PEX19: variants seen among roughly 807,000 people sequenced by gnomAD.
The protein encoded by PEX19 is peroxisomal biogenesis factor 19, also known as 33 kDa housekeeping protein.
Under a neutral mutation model 36.3 loss-of-function variants are expected in PEX19, and 29 were observed. That is an observed-to-expected ratio of 0.80 (90% confidence interval 0.60 to 1.09). PEX19 has a LOEUF of 1.09. Among genes scored for constraint, PEX19 ranks in the 50% least tolerant of loss-of-function variants. The pLI, the probability that PEX19 is intolerant of heterozygous loss-of-function variation, is 0.00. For missense variants in PEX19, 396 were observed against 368.1 expected (o/e 1.08, Z -0.62); for synonymous variants, 141 against 135.2 (o/e 1.04, Z -0.30).
chr1:160,282,338 A>C, intron 4 of PEX19, 79 bp downstream of exon 4: 1 of 1,422,754 alleles, frequency 7.0e-7, no homozygotes, highest in Non-Finnish European at 9.9e-7. Context: ...ATGATACTCA[A>C]AGCATCTGTC....
rs1221515291 is a variant in PEX19, at chr1:160,277,907, G to A, written c.*1644C>T. 1.5e-6 allele frequency: 1 copy of A among 680,882 alleles called. No individual in the cohort carries two copies. 42.2% of individuals were successfully genotyped at this position (680,882 alleles called of 1,614,324 possible). A position where few individuals can be genotyped will look rare whatever the true frequency, so the allele number is the denominator to read the frequency against. On this transcript the variant is annotated 3_prime_UTR_variant, in exon 8 of 8. Transcript: ENST00000368072. ...CTGGGCTCTTCCATGCTCTGGTAAG[G>A]TATAGGAGTTGGAATTTCCCAAATA...
chr1:160,283,435 C>A, intron 2 of PEX19, 95 bp downstream of exon 2: 1 of 866,000 alleles, frequency 1.2e-6, no homozygotes, highest in East Asian at 2.5e-5. Flanking sequence ...AGGTACCCTC[C>A]CACATTCCCC....
At chr1:160,280,321 T>C (rs540973502) in intron 5 of PEX19, 75 bp from the exon 6 acceptor site, 296 of 1,383,340 alleles carry the variant, frequency 2.1e-4, no homozygotes, top group Non-Finnish European at 2.8e-4. Flanking sequence ...ACAATGTGAT[T>C]AAAATGTGAA....
rs899007009 is a variant in PEX19, at chr1:160,278,933, G to A, written c.*618C>T. ...AGTTCTCAGCCTGGAACAGGGAGGT[G>A]AGGGCTCAGCACCTAGAGAGAGGAG... On this transcript the variant is annotated 3_prime_UTR_variant, in exon 8 of 8. Transcript: ENST00000368072. 8.8e-6 allele frequency: 4 copies of A among 454,124 alleles called. No homozygotes were observed. Among genetic ancestry groups the A allele is most frequent in the Non-Finnish European group, 1.8e-5 (4 of 226,792 alleles). 28.1% of individuals were successfully genotyped at this position (454,124 alleles called of 1,614,324 possible). A position where few individuals can be genotyped will look rare whatever the true frequency, so the allele number is the denominator to read the frequency against.
chr1:160,281,006 A>G (rs1244583788), intron 5 of PEX19, among the ~76,000 whole-genome samples: 1 of 152,122 alleles, frequency 6.6e-6, no homozygotes, highest in East Asian at 1.9e-4. Context: ...TTATCTCTCC[A>G]GTAAAACTAT....
chr1:160,277,452 T>C lies in PEX19; in HGVS notation c.*2099A>G, dbSNP rs753051017. 1 of 456,074 alleles carries C rather than the reference T, an allele frequency of 2.2e-6. No homozygotes were observed. The highest frequency in any genetic ancestry group is 2.3e-5 in the Admixed American group (1 of 42,580). 28.3% of individuals were successfully genotyped at this position (456,074 alleles called of 1,614,324 possible). A position where few individuals can be genotyped will look rare whatever the true frequency, so the allele number is the denominator to read the frequency against. On this transcript the variant is annotated 3_prime_UTR_variant, in exon 8 of 8. Transcript: ENST00000368072. Reference sequence around the variant, plus strand: ...ACTGGAAAACAAAAAACCTGGTCCTTTACCATACATAGTTTGAGAAAGACT... The same window carrying C: ...ACTGGAAAACAAAAAACCTGGTCCTCTACCATACATAGTTTGAGAAAGACT...
intron 1 of PEX19, 150 bp from the exon 2 acceptor site, chr1:160,283,789 C>A: frequency 1.4e-6 from 1 of 694,716 alleles, no homozygotes; most frequent in Non-Finnish European, 2.6e-6. Context: ...CCTCCCCAGA[C>A]CACCCTCAAT....
rs1328538803 is a variant in PEX19 at position 160,276,930 on chromosome 1, T to C, written c.*2621A>G. 1 of 451,372 alleles carries C rather than the reference T, an allele frequency of 2.2e-6. No individual in the cohort carries two copies. The highest frequency in any genetic ancestry group is 4.4e-6 in the Non-Finnish European group (1 of 224,942). The allele number at this position is 451,372 out of a possible 1,614,324, so 28.0% of individuals were successfully genotyped here. A position where few individuals can be genotyped will look rare whatever the true frequency, so the allele number is the denominator to read the frequency against. ...GAGCAACTCCTTTAAAGTTTGAGAG[T>C]CGCATAAATATTTCATATACAGCTT... On this transcript the variant is annotated 3_prime_UTR_variant, in exon 8 of 8. Transcript: ENST00000368072.
Position 160,280,158 on chromosome 1 carries a change from A to G in PEX19, c.683T>C (p.Ile228Thr). 6.2e-7 allele frequency: 1 copy of G among 1,613,972 alleles called. No homozygotes were observed. The highest frequency in any genetic ancestry group is 8.5e-7 in the Non-Finnish European group (1 of 1,179,882). The change falls in exon 6 of 8, where the codon ATA (isoleucine) becomes ACA (threonine). Residue 228 changes from isoleucine (I) to threonine (T), a missense_variant. By Grantham distance (89) the Ile-to-Thr change is moderately conservative. Transcript: ENST00000368072. ...YQEQHSVMCKICEQFEAETPT... is the reference protein window; with the variant it reads ...YQEQHSVMCKTCEQFEAETPT... ...GGTCTCTGCCTCAAACTGCTCACATATTTTGCACATGACGCTGTGCTGCTC... is the reference window on the plus strand; with the variant it reads ...GGTCTCTGCCTCAAACTGCTCACATGTTTTGCACATGACGCTGTGCTGCTC...
chr1:160,279,533 A>G lies in PEX19; in HGVS notation c.*18T>C. The G allele has an allele frequency of 6.2e-7, 1 of 1,605,910 alleles. No individual in the cohort carries two copies. The highest frequency in any genetic ancestry group is 1.1e-5 in the South Asian group (1 of 90,936). On this transcript the variant is annotated 3_prime_UTR_variant, in exon 8 of 8. Coordinates refer to ENST00000368072, the MANE Select transcript of PEX19 (RefSeq NM_002857.4). ...TGTTCCCCATAGCTGGGACTCAGAG[A>G]GGAAAACGTGTTGTGTTTCACATGA...
At position 160,283,062 on chromosome 1, in the gene PEX19, G is replaced by A. The variant is rs1367811065; in HGVS notation, c.228C>T (p.Asp76=). 2 of 1,614,136 alleles carry A rather than the reference G, an allele frequency of 1.2e-6. No homozygotes were observed. Among genetic ancestry groups the A allele is most frequent in the Non-Finnish European group, 1.7e-6 (2 of 1,180,030 alleles). Residue 76 remains aspartate, a synonymous_variant, in exon 3 of 8, where the codon GAC becomes GAT. Transcript: ENST00000368072. The stretch of plus-strand genomic sequence containing the variant: ...CAGTGGCTTGGGAAGCCAGTTCACT[G>A]TCGAATAGTTCCTGGAAAAACTTCT... The part of the protein sequence containing the change: ...SQEKFFQELF[D]SELASQATAE...
chr1:160,281,115 C>A (rs901031606), intron 5 of PEX19: 1 of 152,212 alleles, frequency 6.6e-6, no homozygotes, highest in African/African-American at 2.4e-5. Flanking sequence ...TGAGACCAGC[C>A]TGAGCAATAT....
rs1288025465 is a variant in PEX19 at position 160,278,810 on chromosome 1, G to A, written c.*741C>T. On this transcript the variant is annotated 3_prime_UTR_variant, in exon 8 of 8. Transcript: ENST00000368072. ...GATAAACAGGTGTTTAAAAAAGAGA[G>A]GAGGTAAAAGGGAGGATGGGCAGGG... 2.2e-6 allele frequency: 1 copy of A among 454,102 alleles called. No individual in the cohort carries two copies. Among genetic ancestry groups the A allele is most frequent in the Admixed American group, 2.3e-5 (1 of 42,570 alleles). 28.1% of individuals were successfully genotyped at this position (454,102 alleles called of 1,614,324 possible).
chr1:160,282,229 G>A, intron 4 of PEX19, 29 bp from the exon 5 acceptor site: 1 of 1,612,322 alleles, frequency 6.2e-7, no homozygotes, highest in South Asian at 1.1e-5. Flanking sequence ...AGGTGAGCAG[G>A]TATACTACCT....
In PEX19 at chr1:160,279,016, T is replaced by C; in HGVS notation, c.*535A>G. 2.2e-6 allele frequency: 1 copy of C among 454,248 alleles called. No homozygotes were observed. Among genetic ancestry groups the C allele is most frequent in the Non-Finnish European group, 4.4e-6 (1 of 226,842 alleles). 28.1% of individuals were successfully genotyped at this position (454,248 alleles called of 1,614,324 possible). A position where few individuals can be genotyped will look rare whatever the true frequency, so the allele number is the denominator to read the frequency against. ...ATTAGATGCAAAAGCCCTTTCCCTT[T>C]AGAGAATTCAGAATGGTCTGTCTGA... On this transcript the variant is annotated 3_prime_UTR_variant, in exon 8 of 8. Coordinates refer to ENST00000368072, the MANE Select transcript of PEX19 (RefSeq NM_002857.4).
rs753919460 is a variant in PEX19 at position 160,283,657 on chromosome 1, A to G, written c.71-18T>C. On this transcript the variant is annotated intron_variant, in intron 1 of 7. Coordinates refer to ENST00000368072, the MANE Select transcript of PEX19 (RefSeq NM_002857.4). ...AAGAGCACCTTCAGAGACAAGAGAC[A>G]TGGTGTGTGTGTTGGCGACAGATGA... The G allele has an allele frequency of 3.2e-6, 5 of 1,579,850 alleles. No individual in the cohort carries two copies. The highest frequency in any genetic ancestry group is 1.7e-5 in the Admixed American group (1 of 59,972).
intron 5 of PEX19, among the ~76,000 whole-genome samples, chr1:160,280,811 G>A (rs1274633074): frequency 2.6e-5 from 4 of 152,132 alleles, no homozygotes; most frequent in East Asian, 1.9e-4. Flanking sequence ...GAGCCACTAC[G>A]CTCGGCTATT....
At position 160,283,121 on chromosome 1, in the gene PEX19, G is replaced by A. The variant is rs1657849664; in HGVS notation, c.181-12C>T. 1.9e-6 allele frequency: 3 copies of A among 1,612,748 alleles called. No individual in the cohort carries two copies. The highest frequency in any genetic ancestry group is 2.5e-6 in the Non-Finnish European group (3 of 1,179,958). ...GCGAAGAGGGCATCCTGCGGGGGAA[G>A]GATGGCTGAAATGCGTCTCTTACTT... On this transcript the variant is annotated splice_polypyrimidine_tract_variant and intron_variant, in intron 2 of 7. Transcript: ENST00000368072.
chr1:160,281,963 T>C, intron 5 of PEX19, 76 bp downstream of exon 5: 1 of 1,271,216 alleles, frequency 7.9e-7, no homozygotes, highest in Non-Finnish European at 1.1e-6. Context: ...CTGCAGGCTC[T>C]GAGTAGACAA....
Sources: allele counts gnomAD v4.1 joint callset (sites outside exome capture counted in the v4.1 genomes callset), GRCh38; gene constraint gnomAD v4.1.1; transcripts MANE v1.5; gene names NCBI Gene and HGNC (gene_info 2026-07-23, HGNC 2026-07-21).